ATP6V1H: variants seen among roughly 807,000 people sequenced by gnomAD.
ATP6V1H encodes the protein V-type proton ATPase subunit H.
Under a neutral mutation model 71.7 loss-of-function variants are expected in ATP6V1H, and 39 were observed. The ratio of observed to expected loss-of-function variants is 0.54; its 90% CI spans 0.42 to 0.71. The LOEUF is 0.71. ATP6V1H is among the 30% of genes least tolerant of loss of function. The pLI, the probability that ATP6V1H is intolerant of heterozygous loss-of-function variation, is 0.00. For missense variants in ATP6V1H, 509 were observed against 594.9 expected (o/e 0.86, Z 1.50); for synonymous variants, 192 against 199.3 (o/e 0.96, Z 0.31).
chr8:53,734,755 G>C (rs1044987970), intron 13 of ATP6V1H, among the ~76,000 whole-genome samples: 8 of 152,144 alleles, frequency 5.3e-5, no homozygotes, highest in African/African-American at 1.9e-4. Flanking sequence ...GGCTCGGAAA[G>C]CTGCATCCAC....
intron 8 of ATP6V1H, among the ~76,000 whole-genome samples, chr8:53,798,201 T>C (rs1191478532): frequency 6.6e-6 from 1 of 152,170 alleles, no homozygotes; most frequent in Non-Finnish European, 1.5e-5. Flanking sequence ...CAGCAAACTA[T>C]ATAGATTAAA....
rs561705031 is a variant in ATP6V1H at position 53,819,074 on chromosome 8, C to T, written c.307-1544G>A. 2.2e-3 allele frequency among the ~76,000 whole-genome samples: 330 copies of T among 151,854 alleles called. 1 individual carries two copies. The highest frequency in any genetic ancestry group is 7.5e-3 in the African/African-American group (311 of 41,422). ...ATAAAAAATTAGCCAGGTGTGGTGG[C>T]ACACGCCTATGGTCCCAGCTACTCA... is the stretch of plus-strand genomic sequence containing the variant. On this transcript the variant is annotated intron_variant, in intron 4 of 13. Transcript: ENST00000359530.
At chr8:53,803,520 C>G (rs1809982173) in intron 7 of ATP6V1H, among the ~76,000 whole-genome samples, 1 of 152,134 alleles carries the variant, frequency 6.6e-6, no homozygotes, top group Admixed American at 6.5e-5. Flanking sequence ...AAATACCGTT[C>G]ATAAAAACCT....
intron 9 of ATP6V1H, among the ~76,000 whole-genome samples, chr8:53,787,625 T>C (rs1427770472): frequency 1.3e-5 from 2 of 152,234 alleles, no homozygotes; most frequent in African/African-American, 4.8e-5. Flanking sequence ...GGCTTTTGAC[T>C]AAGCAGAGCC....
intron 2 of ATP6V1H, among the ~76,000 whole-genome samples, chr8:53,841,375 C>T (rs1585846353): frequency 1.3e-5 from 2 of 152,194 alleles, no homozygotes; most frequent in African/African-American, 4.8e-5. Flanking sequence ...CACCATAAGC[C>T]GCTCTGCTTC....
chr8:53,774,405 T>A (rs1370591097), intron 9 of ATP6V1H, among the ~76,000 whole-genome samples: 1 of 152,196 alleles, frequency 6.6e-6, no homozygotes, highest in Non-Finnish European at 1.5e-5. Flanking sequence ...ACAGTTCAGT[T>A]TGAACTGTTA....
intron 13 of ATP6V1H, among the ~76,000 whole-genome samples, chr8:53,742,110 G>A (rs184730729): frequency 2.0e-5 from 3 of 152,200 alleles, no homozygotes; most frequent in East Asian, 3.9e-4. Context: ...GGCCCTACAC[G>A]ATCAGGTCTC....
Position 53,780,514 on chromosome 8 carries a change from ATATGT to A in ATP6V1H, c.871-8352_871-8348del, listed in dbSNP as rs554834113. ...ATGTGGCAGCAACACATTTTTTGAA[ATATGT>A]TATATTTTTTTTTCTTTTTTTTAAT... is the stretch of plus-strand genomic sequence containing the variant. On this transcript the variant is annotated intron_variant, in intron 9 of 13. Coordinates refer to ENST00000359530, the MANE Select transcript of ATP6V1H (RefSeq NM_015941.4). Among the ~76,000 whole-genome samples the A allele has an allele frequency of 2.2e-3, 328 of 152,184 alleles. 1 individual carries two copies. The highest frequency in any genetic ancestry group is 7.4e-3 in the African/African-American group (307 of 41,496).
intron 4 of ATP6V1H, among the ~76,000 whole-genome samples, chr8:53,824,451 T>G (rs1810764033): frequency 6.6e-6 from 1 of 152,118 alleles, no homozygotes; most frequent in Admixed American, 6.5e-5. Flanking sequence ...ATTACACATA[T>G]GAACACTGAG....
At position 53,806,080 on chromosome 8, in the gene ATP6V1H, T is replaced by A. The variant is rs188570443; in HGVS notation, c.580-4184A>T. ...CTTTATGTAAGTTATGACATAATTT[T>A]AAAAAAGAAATAGAGAAAAGAAAGT... is the stretch of plus-strand genomic sequence containing the variant. On this transcript the variant is annotated intron_variant, in intron 7 of 13. Transcript: ENST00000359530. Among the ~76,000 whole-genome samples, 338 of 152,204 alleles carry A rather than the reference T, an allele frequency of 2.2e-3. 2 individuals carry two copies. Among genetic ancestry groups the A allele is most frequent in the African/African-American group, 7.9e-3 (327 of 41,558 alleles).
At chr8:53,791,805 C>T (rs1197063142) in intron 9 of ATP6V1H, among the ~76,000 whole-genome samples, 1 of 152,158 alleles carries the variant, frequency 6.6e-6, no homozygotes, top group East Asian at 1.9e-4. Flanking sequence ...ACTGGCATTG[C>T]TTATTCACGT....
At chr8:53,759,469 T>C (rs987501912) in intron 11 of ATP6V1H, among the ~76,000 whole-genome samples, 20 of 152,208 alleles carry the variant, frequency 1.3e-4, no homozygotes, top group Non-Finnish European at 2.9e-4. Context: ...CAAACCTCTA[T>C]TGCCACGTTA....
intron 4 of ATP6V1H, among the ~76,000 whole-genome samples, chr8:53,823,241 T>TA (rs1024750159): frequency 6.6e-6 from 1 of 152,222 alleles, no homozygotes; most frequent in South Asian, 2.1e-4. Context: ...TCATATACTA[T>TA]AAAAAAAGTA....
intron 4 of ATP6V1H, among the ~76,000 whole-genome samples, chr8:53,819,023 T>C (rs984706597): frequency 1.1e-4 from 16 of 151,562 alleles, no homozygotes; most frequent in South Asian, 2.1e-4. Context: ...CTGGGCAACA[T>C]AGTGATACCC....
In ATP6V1H at chr8:53,811,203, G is replaced by T; in HGVS notation, c.540C>A (p.Ser180Arg). 1 of 1,612,856 alleles carries T rather than the reference G, an allele frequency of 6.2e-7. No individual in the cohort carries two copies. Among genetic ancestry groups the T allele is most frequent in the Non-Finnish European group, 8.5e-7 (1 of 1,179,166 alleles). The change falls in exon 7 of 14, where the codon AGC becomes AGA. Residue 180 changes from serine (S) to arginine (R), a missense_variant. Ser to Arg is a moderately radical substitution (Grantham distance 110). Transcript: ENST00000359530. ...CTGTTCCTGTTTCAACAGCAACACC[G>T]CTACCACGCAGTTTCTATTACGAAA... ...TQLSSQKLRGSGVAVETGTVS... is the reference protein window; with the variant it reads ...TQLSSQKLRGRGVAVETGTVS...
At chr8:53,835,904 C>A (rs1024723584) in intron 2 of ATP6V1H, among the ~76,000 whole-genome samples, 1 of 152,100 alleles carries the variant, frequency 6.6e-6, no homozygotes, top group African/African-American at 2.4e-5. Context: ...TCTCACTACA[C>A]CCCCTGCGCT....
At chr8:53,750,731 T>G (rs148087718) in intron 12 of ATP6V1H, among the ~76,000 whole-genome samples, 2 of 152,002 alleles carry the variant, frequency 1.3e-5, no homozygotes, top group African/African-American at 4.8e-5. Context: ...CCTGAGAAAC[T>G]TGTAAAAACA....
chr8:53,735,611 T>C (rs548942848), intron 13 of ATP6V1H, among the ~76,000 whole-genome samples: 1 of 152,180 alleles, frequency 6.6e-6, no homozygotes, highest in East Asian at 1.9e-4. Context: ...CCGCAAATCA[T>C]AAGTCCCCCA....
chr8:53,743,788 T>A, intron 12 of ATP6V1H, 98 bp from the exon 13 acceptor site: 1 of 738,410 alleles, frequency 1.4e-6, no homozygotes, highest in Non-Finnish European at 2.3e-6. Context: ...AAAAGGAAAG[T>A]AACAATGTAC....
Sources: allele counts gnomAD v4.1 joint callset (sites outside exome capture counted in the v4.1 genomes callset), GRCh38; gene constraint gnomAD v4.1.1; transcripts MANE v1.5; gene names NCBI Gene and HGNC (gene_info 2026-07-23, HGNC 2026-07-21).